TADA1: variants seen among roughly 807,000 people sequenced by gnomAD.
TADA1 encodes the protein transcriptional adapter 1.
TADA1 carries 23 observed loss-of-function variants against 39.3 expected under a neutral mutation model. The observed-to-expected ratio is 0.58, with a 90% CI of 0.42 to 0.83. The LOEUF is 0.83. Among genes scored for constraint, TADA1 ranks in the 40% least tolerant of loss-of-function variants. The pLI, the probability that TADA1 is intolerant of heterozygous loss-of-function variation, is 0.00. For missense variants in TADA1, 352 were observed against 408.1 expected (o/e 0.86, Z 1.18); for synonymous variants, 137 against 151.8 (o/e 0.90, Z 0.72).
intron 2 of TADA1, 101 bp downstream of exon 2, chr1:166,869,662 C>T (rs938385869): frequency 1.4e-6 from 2 of 1,454,448 alleles, no homozygotes; most frequent in African/African-American, 1.4e-5. Context: ...ACCTTATACA[C>T]CACAAAACCA....
Position 166,858,232 on chromosome 1 carries a change from G to A in TADA1, c.742C>T (p.Pro248Ser), listed in dbSNP as rs749988960. Residue 248 changes from proline (P) to serine (S), a missense_variant, in exon 7 of 8, where the codon CCA (proline) becomes TCA (serine). Physicochemically the swap from Pro to Ser is moderately conservative, Grantham distance 74. Coordinates refer to ENST00000367874, the MANE Select transcript of TADA1 (RefSeq NM_053053.4). ...TGCTGCTCAGCATCATCAGGGGGTG[G>A]GTGAGAAGCTGGATTCTGACCAGCA... is the stretch of plus-strand genomic sequence containing the variant. ...PCAGQNPASH[P>S]PPDDAEQQAA... 4 of 1,609,636 alleles carry A rather than the reference G, an allele frequency of 2.5e-6. No homozygotes were observed. The highest frequency in any genetic ancestry group is 3.4e-6 in the Non-Finnish European group (4 of 1,178,446).
At chr1:166,866,238 T>C (rs1338936922) in intron 3 of TADA1, among the ~76,000 whole-genome samples, 1 of 152,246 alleles carries the variant, frequency 6.6e-6, no homozygotes, top group Non-Finnish European at 1.5e-5. Context: ...TAGTAGCACT[T>C]AGATTTCAGT....
chr1:166,870,547 C>T (rs61247449), intron 1 of TADA1, among the ~76,000 whole-genome samples: 4 of 152,270 alleles, frequency 2.6e-5, no homozygotes, highest in Non-Finnish European at 4.4e-5. Context: ...AAAGGGGACT[C>T]GCCGGTACGG....
chr1:166,866,313 T>TG (rs1193144117), intron 3 of TADA1, among the ~76,000 whole-genome samples: 1 of 152,216 alleles, frequency 6.6e-6, no homozygotes, highest in East Asian at 1.9e-4. Flanking sequence ...TTTGTTTTGT[T>TG]TTCTCTTCTC....
chr1:166,872,149 A>C (rs1283748150), intron 1 of TADA1, among the ~76,000 whole-genome samples: 1 of 152,176 alleles, frequency 6.6e-6, no homozygotes, highest in African/African-American at 2.4e-5. Context: ...TATAGTTTGG[A>C]TATTTGACCA....
At position 166,875,800 on chromosome 1, in the gene TADA1, G is replaced by T. The variant is rs551015307; in HGVS notation, c.74+360C>A. Among the ~76,000 whole-genome samples, 281 of 152,342 alleles carry T rather than the reference G, an allele frequency of 1.8e-3. 2 individuals carry two copies. The highest frequency in any genetic ancestry group is 4.4e-3 in the Admixed American group (68 of 15,308). The stretch of plus-strand genomic sequence containing the variant: ...TATGCCCTCTGGCTGGACGCGTAGG[G>T]CTCCGGCTCACTCCGCCCAAGTCAG... On this transcript the variant is annotated intron_variant, in intron 1 of 7. Coordinates refer to ENST00000367874, the MANE Select transcript of TADA1 (RefSeq NM_053053.4).
At position 166,869,620 on chromosome 1, in the gene TADA1, T is replaced by C. The variant is rs529058996; in HGVS notation, c.167-110A>G. On this transcript the variant is annotated intron_variant, in intron 2 of 7. Transcript: ENST00000367874. ...TTGGATATCCCCTATTCTGCCATGC[T>C]TTATACTTAAAGTATCCACATTATT... 61 of 1,308,550 alleles carry C rather than the reference T, an allele frequency of 4.7e-5. No homozygotes were observed. In the South Asian group the frequency reaches 7.3e-4, roughly 16 times the overall value. The allele number at this position is 1,308,550 out of a possible 1,614,324, so 81.1% of individuals were successfully genotyped here. A position where few individuals can be genotyped will look rare whatever the true frequency, so the allele number is the denominator to read the frequency against.
chr1:166,857,814 A>C (rs1276563280), intron 7 of TADA1, 95 bp from the exon 8 acceptor site: 1 of 1,351,674 alleles, frequency 7.4e-7, no homozygotes, highest in African/African-American at 1.5e-5. Flanking sequence ...CATACACACA[A>C]TCTATAAACT....
At position 166,869,526 on chromosome 1, in the gene TADA1, T is replaced by A; in HGVS notation, c.167-16A>T. On this transcript the variant is annotated splice_polypyrimidine_tract_variant and intron_variant, in intron 2 of 7. Coordinates refer to ENST00000367874, the MANE Select transcript of TADA1 (RefSeq NM_053053.4). ...TGAGAATGGACTGAAAAAGGAAAGA[T>A]AGTGACAATCAAATTCAAAACATTT... 1 of 1,612,044 alleles carries A rather than the reference T, an allele frequency of 6.2e-7. No individual in the cohort carries two copies. The highest frequency in any genetic ancestry group is 8.5e-7 in the Non-Finnish European group (1 of 1,178,684).
intron 1 of TADA1, among the ~76,000 whole-genome samples, chr1:166,872,760 T>C (rs913356797): frequency 6.6e-6 from 1 of 152,100 alleles, no homozygotes; most frequent in Non-Finnish European, 1.5e-5. Flanking sequence ...CACCAGAAGA[T>C]GCTGGTGCCA....
chr1:166,868,069 AATAG>A (rs1442309310), intron 3 of TADA1, among the ~76,000 whole-genome samples: 2 of 152,234 alleles, frequency 1.3e-5, no homozygotes, highest in Non-Finnish European at 2.9e-5. Context: ...TAGTCTTATG[AATAG>A]ATATAAATTG....
At chr1:166,864,172 T>C (rs1358451857) in intron 3 of TADA1, among the ~76,000 whole-genome samples, 1 of 152,188 alleles carries the variant, frequency 6.6e-6, no homozygotes, top group Admixed American at 6.5e-5. Flanking sequence ...TTAATGTTTA[T>C]TGGGTGTTTT....
At chr1:166,858,909 A>T (rs1026322682) in intron 6 of TADA1, among the ~76,000 whole-genome samples, 1 of 152,254 alleles carries the variant, frequency 6.6e-6, no homozygotes, top group African/African-American at 2.4e-5. Flanking sequence ...TAGAGTAACA[A>T]GTGGCCAATA....
At chr1:166,872,023 GC>G (rs1658671512) in intron 1 of TADA1, among the ~76,000 whole-genome samples, 1 of 152,150 alleles carries the variant, frequency 6.6e-6, no homozygotes, top group Non-Finnish European at 1.5e-5. Context: ...AAAACTTTTA[GC>G]CCAAAGAGCT....
At chr1:166,868,523 T>G (rs981127310) in intron 3 of TADA1, among the ~76,000 whole-genome samples, 1 of 152,230 alleles carries the variant, frequency 6.6e-6, no homozygotes, top group Non-Finnish European at 1.5e-5. Flanking sequence ...ACCTTCTTCA[T>G]CCTGATCTCC....
chr1:166,872,483 C>T (rs1040309737), intron 1 of TADA1, among the ~76,000 whole-genome samples: 1 of 152,060 alleles, frequency 6.6e-6, no homozygotes, highest in East Asian at 1.9e-4. Flanking sequence ...ACCAGCCTGA[C>T]CAATATGATG....
intron 6 of TADA1, among the ~76,000 whole-genome samples, chr1:166,858,811 G>A (rs554698811): frequency 3.9e-5 from 6 of 152,336 alleles, no homozygotes; most frequent in African/African-American, 1.4e-4. Context: ...GTATCTAGAG[G>A]TAAAACAAAA....
intron 3 of TADA1, among the ~76,000 whole-genome samples, chr1:166,867,234 C>A (rs1421795584): frequency 1.3e-5 from 2 of 152,186 alleles, no homozygotes; most frequent in Non-Finnish European, 2.9e-5. Context: ...GTTTTTACTT[C>A]TGATCACTCC....
At chr1:166,860,897 G>A (rs540797784) in intron 5 of TADA1, among the ~76,000 whole-genome samples, 16 of 152,262 alleles carry the variant, frequency 1.1e-4, no homozygotes, top group African/African-American at 3.6e-4. Context: ...TCGAACTTCT[G>A]ACCTCAGGTG....
Sources: allele counts gnomAD v4.1 joint callset (sites outside exome capture counted in the v4.1 genomes callset), GRCh38; gene constraint gnomAD v4.1.1; transcripts MANE v1.5; gene names NCBI Gene and HGNC (gene_info 2026-07-23, HGNC 2026-07-21).